The following SERGEF variants were observed in gnomAD, a reference collection of about 807,000 sequenced individuals.
SERGEF encodes the protein secretion-regulating guanine nucleotide exchange factor.
Under a neutral mutation model 50.0 loss-of-function variants are expected in SERGEF, and 51 were observed. The ratio of observed to expected loss-of-function variants is 1.02; its 90% CI spans 0.81 to 1.29. The LOEUF (loss-of-function observed/expected upper bound fraction) is 1.29. Among genes scored for constraint, SERGEF ranks in the 50% most tolerant of loss-of-function variants. The probability of loss-of-function intolerance (pLI) is 0.00; values close to 1 mark genes in which losing one functional copy is unlikely to be tolerated. For synonymous variants in SERGEF, 205 were observed against 212.4 expected (o/e 0.97, Z 0.30); for missense variants, 521 against 557.0 (o/e 0.94, Z 0.65).
At chr11:17,808,838 C>T (rs1849813681) in intron 10 of SERGEF, among the ~76,000 whole-genome samples, 1 of 152,178 alleles carries the variant, frequency 6.6e-6, no homozygotes, top group Admixed American at 6.5e-5. Flanking sequence ...GGCTTGTATA[C>T]ACTTTATAGG....
At chr11:17,917,347 A>C (rs762376531) in intron 9 of SERGEF, among the ~76,000 whole-genome samples, 1 of 152,234 alleles carries the variant, frequency 6.6e-6, no homozygotes, top group South Asian at 2.1e-4. Context: ...GTTCTCACTC[A>C]TAAGTGGGAG....
intron 8 of SERGEF, among the ~76,000 whole-genome samples, chr11:17,962,969 G>A (rs1362501571): frequency 1.3e-5 from 2 of 151,920 alleles, no homozygotes; most frequent in Non-Finnish European, 2.9e-5. Flanking sequence ...ATCACCTGAG[G>A]TCAAGAGTTT....
At chr11:17,910,412 C>A (rs1261645778) in intron 9 of SERGEF, among the ~76,000 whole-genome samples, 1 of 147,966 alleles carries the variant, frequency 6.8e-6, no homozygotes, top group Non-Finnish European at 1.5e-5. Flanking sequence ...CCACGCCCAG[C>A]TAATTAAAAA....
chr11:18,009,619 G>C (rs753312373), intron 1 of SERGEF, among the ~76,000 whole-genome samples: 1 of 152,168 alleles, frequency 6.6e-6, no homozygotes, highest in South Asian at 2.1e-4. Flanking sequence ...GGCTGGCAAT[G>C]ATCTCTAAAG....
Position 17,991,255 on chromosome 11 carries a change from A to G in SERGEF, c.685+1676T>C, listed in dbSNP as rs1853706946. On this transcript the variant is annotated intron_variant, in intron 7 of 10. Coordinates refer to ENST00000265965, the MANE Select transcript of SERGEF (RefSeq NM_012139.4). The surrounding 1 kb of genome is among the most constrained non-coding windows in gnomAD (Gnocchi z 4.9). ...CTTATATTTAAAATACATCTTAATT[A>G]AAATATTCAACATTTATATATAAAT... Among the ~76,000 whole-genome samples the G allele has an allele frequency of 6.6e-6, 1 of 152,176 alleles. No homozygotes were observed. The highest frequency in any genetic ancestry group is 1.5e-5 in the Non-Finnish European group (1 of 68,036).
chr11:17,904,232 GA>G (rs1851799098), intron 9 of SERGEF, among the ~76,000 whole-genome samples: 1 of 152,242 alleles, frequency 6.6e-6, no homozygotes. Flanking sequence ...GCCACAGCCT[GA>G]ACCAGTGAAG....
At chr11:17,794,334 C>A (rs1403154163) in intron 10 of SERGEF, among the ~76,000 whole-genome samples, 1 of 152,202 alleles carries the variant, frequency 6.6e-6, no homozygotes, top group Non-Finnish European at 1.5e-5. Flanking sequence ...TAGCCACTAC[C>A]TCTGACCATG....
chr11:17,863,101 G>A (rs1850956142), intron 10 of SERGEF, among the ~76,000 whole-genome samples: 2 of 152,144 alleles, frequency 1.3e-5, no homozygotes, highest in African/African-American at 4.8e-5. Flanking sequence ...TGAATTCTGG[G>A]CTCTACTTCT....
intron 10 of SERGEF, among the ~76,000 whole-genome samples, chr11:17,810,400 C>T (rs1234142494): frequency 6.6e-6 from 1 of 152,228 alleles, no homozygotes; most frequent in Non-Finnish European, 1.5e-5. Flanking sequence ...CTTCAAGGCT[C>T]AGCTCAAGTC....
At chr11:17,950,099 T>C (rs990654649) in intron 9 of SERGEF, among the ~76,000 whole-genome samples, 4 of 152,220 alleles carry the variant, frequency 2.6e-5, no homozygotes, top group African/African-American at 4.8e-5. Flanking sequence ...GAGCTTCTTA[T>C]GAAAATCCAG....
intron 9 of SERGEF, among the ~76,000 whole-genome samples, chr11:17,957,785 G>A (rs1852906220): frequency 6.7e-6 from 1 of 149,838 alleles, no homozygotes; most frequent in African/African-American, 2.4e-5. Flanking sequence ...TCCAAAGAAT[G>A]GTTTGAGAAA....
At chr11:17,963,824 T>G (rs1264813707) in intron 8 of SERGEF, among the ~76,000 whole-genome samples, 1 of 152,244 alleles carries the variant, frequency 6.6e-6, no homozygotes, top group African/African-American at 2.4e-5. Context: ...AACAACCCTG[T>G]GAGTTAGGCA....
chr11:17,989,908 A>T (rs1853678047), intron 7 of SERGEF, among the ~76,000 whole-genome samples: 1 of 152,284 alleles, frequency 6.6e-6, no homozygotes. Flanking sequence ...ATATATTATT[A>T]AAATTAATCC....
intron 9 of SERGEF, among the ~76,000 whole-genome samples, chr11:17,944,173 C>T (rs1048613778): frequency 2.6e-5 from 4 of 152,086 alleles, no homozygotes; most frequent in Admixed American, 6.6e-5. Context: ...ATGATCCGCC[C>T]GCCTCGGCCT....
intron 9 of SERGEF, chr11:17,918,847 G>A: frequency 2.9e-6 from 1 of 348,514 alleles, no homozygotes; most frequent in Non-Finnish European, 5.6e-6. Flanking sequence ...GTGAGCAAAG[G>A]TATAAATGTG....
intron 10 of SERGEF, among the ~76,000 whole-genome samples, chr11:17,826,694 A>T (rs1850201909): frequency 6.6e-6 from 1 of 152,212 alleles, no homozygotes; most frequent in African/African-American, 2.4e-5. Context: ...TGTCATATAT[A>T]TTTTACAATA....
At chr11:17,956,641 A>G (rs1286563531) in intron 9 of SERGEF, among the ~76,000 whole-genome samples, 1 of 152,058 alleles carries the variant, frequency 6.6e-6, no homozygotes, top group African/African-American at 2.4e-5. Flanking sequence ...CTGCTTGGCT[A>G]TCCTTCTGGA....
At chr11:17,957,973 T>A (rs142572620) in intron 9 of SERGEF, among the ~76,000 whole-genome samples, 1 of 152,206 alleles carries the variant, frequency 6.6e-6, no homozygotes, top group Admixed American at 6.5e-5. Flanking sequence ...CAAAAAGGAA[T>A]GTAGCTGTTT....
intron 1 of SERGEF, chr11:18,012,387 C>T: frequency 3.2e-6 from 2 of 633,570 alleles, no homozygotes; most frequent in Non-Finnish European, 4.0e-6. Context: ...CCAATGCTCC[C>T]GTCAAACCAA....
Sources: gnomAD v4.1 joint callset for allele counts (sites outside exome capture counted in the v4.1 genomes callset) on GRCh38, gnomAD v4.1.1 for gene constraint, Gnocchi (gnomAD v3.1) non-coding constraint, MANE v1.5 for transcripts, NCBI Gene and HGNC (gene_info 2026-07-23, HGNC 2026-07-21) for gene names.